The following CPE variants were observed in gnomAD, a reference collection of about 807,000 sequenced individuals.
The protein encoded by CPE is carboxypeptidase E.
CPE carries 17 observed loss-of-function variants against 53.5 expected under a neutral mutation model. That is an observed-to-expected ratio of 0.32 (90% CI 0.22 to 0.48). CPE has a LOEUF of 0.48. Among genes scored for constraint, CPE ranks in the 20% least tolerant of loss-of-function variants. The probability of loss-of-function intolerance (pLI) is 0.99; values close to 1 mark genes in which losing one functional copy is unlikely to be tolerated. For synonymous variants in CPE, 226 were observed against 228.8 expected (o/e 0.99, Z 0.11); for missense variants, 524 against 614.7 (o/e 0.85, Z 1.56).
At chr4:165,408,311 G>C (rs902204907) in intron 1 of CPE, among the ~76,000 whole-genome samples, 4 of 152,068 alleles carry the variant, frequency 2.6e-5, no homozygotes, top group Non-Finnish European at 5.9e-5. Context: ...TTTAAATCTT[G>C]ATCCATTTTG....
At chr4:165,399,315 A>G (rs184715952) in intron 1 of CPE, among the ~76,000 whole-genome samples, 1 of 152,336 alleles carries the variant, frequency 6.6e-6, no homozygotes, top group African/African-American at 2.4e-5. Context: ...TCTACTAATT[A>G]TAACTGTTGA....
At chr4:165,422,152 C>T (rs1731234187) in intron 1 of CPE, among the ~76,000 whole-genome samples, 1 of 151,962 alleles carries the variant, frequency 6.6e-6, no homozygotes, top group African/African-American at 2.4e-5. Flanking sequence ...AAGGCTTTTT[C>T]TTGGCACAGT....
intron 1 of CPE, among the ~76,000 whole-genome samples, chr4:165,445,431 T>C (rs1409662765): frequency 1.3e-5 from 2 of 152,192 alleles, no homozygotes; most frequent in East Asian, 3.8e-4. Context: ...AAATTTCTAC[T>C]CCTACCTTCT....
intron 3 of CPE, among the ~76,000 whole-genome samples, chr4:165,470,703 G>C (rs1732189934): frequency 6.6e-6 from 1 of 152,222 alleles, no homozygotes; most frequent in East Asian, 1.9e-4. Context: ...GCTCATGTCT[G>C]ACTACCTACC....
chr4:165,427,188 A>G (rs1457100213), intron 1 of CPE, among the ~76,000 whole-genome samples: 1 of 136,854 alleles, frequency 7.3e-6, no homozygotes, highest in Non-Finnish European at 1.6e-5. Flanking sequence ...GTCTTAGGCA[A>G]GCCCCTTGTG....
chr4:165,472,055 A>G (rs1732216571), intron 3 of CPE, among the ~76,000 whole-genome samples: 1 of 152,238 alleles, frequency 6.6e-6, no homozygotes, highest in Admixed American at 6.5e-5. Flanking sequence ...AGGAGTACTT[A>G]TTTTTAAAAG....
intron 1 of CPE, among the ~76,000 whole-genome samples, chr4:165,426,686 T>C (rs13138024): frequency 0.3 from 44,860 of 152,042 alleles, 6,697 homozygotes; most frequent in Middle Eastern, 0.39. Flanking sequence ...GAAATACACA[T>C]GCACACTCAC....
At chr4:165,486,867 A>G (rs1387710939) in intron 5 of CPE, among the ~76,000 whole-genome samples, 2 of 152,156 alleles carry the variant, frequency 1.3e-5, no homozygotes, top group East Asian at 1.9e-4. Context: ...GGAGAGAGGC[A>G]TAGACCTGTC....
At chr4:165,419,937 A>G (rs1731180439) in intron 1 of CPE, among the ~76,000 whole-genome samples, 1 of 152,250 alleles carries the variant, frequency 6.6e-6, no homozygotes, top group Non-Finnish European at 1.5e-5. Context: ...TTCACTGGAT[A>G]ATATTTTTAA....
At chr4:165,432,103 C>T (rs1053434369) in intron 1 of CPE, among the ~76,000 whole-genome samples, 13 of 151,616 alleles carry the variant, frequency 8.6e-5, no homozygotes, top group African/African-American at 3.2e-4. Flanking sequence ...AAGACACTCC[C>T]AAAACATATT....
intron 1 of CPE, among the ~76,000 whole-genome samples, chr4:165,388,783 T>C (rs911758755): frequency 2.6e-5 from 4 of 152,218 alleles, no homozygotes; most frequent in African/African-American, 9.6e-5. Context: ...GTGTTTTAGT[T>C]GCAGTGCTGG....
chr4:165,492,554 C>CTGAG (rs1732625788), intron 6 of CPE, among the ~76,000 whole-genome samples: 1 of 152,130 alleles, frequency 6.6e-6, no homozygotes, highest in African/African-American at 2.4e-5. Context: ...ACCCAGCTCC[C>CTGAG]TGAGTGAGCA....
chr4:165,435,692 ATAT>A (rs1731488633), intron 1 of CPE, among the ~76,000 whole-genome samples: 2 of 149,050 alleles, frequency 1.3e-5, no homozygotes, highest in Admixed American at 1.3e-4. Context: ...TGTTTATCGT[ATAT>A]AATAATACGT....
rs556077276 is a variant in CPE at position 165,402,078 on chromosome 4, A to G, written c.307+22550A>G. 6.8e-4 allele frequency among the ~76,000 whole-genome samples: 104 copies of G among 152,306 alleles called. 1 individual carries two copies. Among genetic ancestry groups the G allele is most frequent in the Non-Finnish European group, 1.1e-3 (72 of 68,026 alleles). ...TTCTTTCTTCAGAAGGTTGTGAGAT[A>G]TTTCCATCAAAAATATATATTTAAT... On this transcript the variant is annotated intron_variant, in intron 1 of 8. Coordinates refer to ENST00000402744, the MANE Select transcript of CPE (RefSeq NM_001873.4).
At chr4:165,396,930 A>T (rs1730776538) in intron 1 of CPE, among the ~76,000 whole-genome samples, 1 of 151,466 alleles carries the variant, frequency 6.6e-6, no homozygotes, top group South Asian at 2.1e-4. Context: ...GTGTGGTGGT[A>T]TGCTCCTGTA....
intron 1 of CPE, among the ~76,000 whole-genome samples, chr4:165,455,231 G>A (rs1731880987): frequency 6.6e-6 from 1 of 152,150 alleles, no homozygotes; most frequent in Non-Finnish European, 1.5e-5. Flanking sequence ...CACAAGTCAG[G>A]TGCATTCCTA....
chr4:165,431,457 G>C (rs1457204280), intron 1 of CPE, among the ~76,000 whole-genome samples: 1 of 152,168 alleles, frequency 6.6e-6, no homozygotes, highest in African/African-American at 2.4e-5. Context: ...TATGTTTAGG[G>C]CACTAGGCCA....
chr4:165,404,557 G>A, intron 1 of CPE: 3 of 922,106 alleles, frequency 3.3e-6, no homozygotes, highest in Non-Finnish European at 5.5e-6. Flanking sequence ...CCAGATCTTT[G>A]GCCACATGTT....
intron 4 of CPE, 61 bp downstream of exon 4, chr4:165,482,420 T>C (rs1006429119): frequency 2.5e-6 from 3 of 1,223,986 alleles, no homozygotes; most frequent in African/African-American, 1.5e-5. Flanking sequence ...CAAGGTTTTA[T>C]AAGATGATTT....
Sources: gnomAD v4.1 joint callset for allele counts (sites outside exome capture counted in the v4.1 genomes callset) on GRCh38, gnomAD v4.1.1 for gene constraint, MANE v1.5 for transcripts, NCBI Gene and HGNC (gene_info 2026-07-23, HGNC 2026-07-21) for gene names.